Variants in PTCH1 observed in about 807,000 individuals in gnomAD.
PTCH1 encodes protein patched homolog 1.
Under a neutral mutation model 144.6 loss-of-function variants are expected in PTCH1, and 14 were observed. The ratio of observed to expected loss-of-function variants is 0.10; its 90% CI spans 0.06 to 0.15. The LOEUF (loss-of-function observed/expected upper bound fraction) is 0.15. Ranked by LOEUF, PTCH1 falls within the 10% of genes least tolerant of loss-of-function variation. The pLI is 1.00. For missense variants in PTCH1, 1,623 were observed against 1,948.3 expected (o/e 0.83, Z 3.14); for synonymous variants, 833 against 793.6 (o/e 1.05, Z -0.83).
At chr9:95,487,394 G>A (rs760415766) in intron 2 of PTCH1, among the ~76,000 whole-genome samples, 2 of 152,194 alleles carry the variant, frequency 1.3e-5, no homozygotes, top group Non-Finnish European at 2.9e-5. Context: ...TGAAGTTAAG[G>A]AAAAATCACA....
intron 19 of PTCH1, among the ~76,000 whole-genome samples, chr9:95,454,634 C>A (rs1485796461): frequency 6.6e-6 from 1 of 152,206 alleles, no homozygotes; most frequent in Non-Finnish European, 1.5e-5. Flanking sequence ...ATATTTGGGC[C>A]ATGAGGCCAT....
chr9:95,452,806 A>C (rs1188909381), intron 20 of PTCH1: 1 of 153,364 alleles, frequency 6.5e-6, no homozygotes, highest in Non-Finnish European at 1.5e-5. Flanking sequence ...GGTATTTTTA[A>C]GTTTTCCTTT....
At position 95,476,617 on chromosome 9, in the gene PTCH1, T is replaced by C. The variant is rs1414598286; in HGVS notation, c.1602+142A>G. Reference sequence around the variant, plus strand: ...CCTGAGAGTCTTCCAGCTTATTTCATTGACTGGCAGCCAGTGACACATCAT... The same window carrying C: ...CCTGAGAGTCTTCCAGCTTATTTCACTGACTGGCAGCCAGTGACACATCAT... On this transcript the variant is annotated intron_variant, in intron 11 of 23. Transcript: ENST00000331920. The surrounding 1 kb of genome is among the most constrained non-coding windows in gnomAD (Gnocchi z 4.6). 1 of 834,294 alleles carries C rather than the reference T, an allele frequency of 1.2e-6. No individual in the cohort carries two copies. The highest frequency in any genetic ancestry group is 1.5e-5 in the South Asian group (1 of 66,948). The allele number at this position is 834,294 out of a possible 1,614,324, so 51.7% of individuals were successfully genotyped here. A position where few individuals can be genotyped will look rare whatever the true frequency, so the allele number is the denominator to read the frequency against.
chr9:95,492,002 G>C lies in PTCH1; in HGVS notation c.395-6128C>G, dbSNP rs556853247. On this transcript the variant is annotated intron_variant, in intron 2 of 23. Coordinates refer to ENST00000331920, the MANE Select transcript of PTCH1 (RefSeq NM_000264.5). ...TCATGTCAATTCATAAAATCAAAGA[G>C]AGACGTCTTAAGACAGAAACTATTG... 3.3e-5 allele frequency among the ~76,000 whole-genome samples: 5 copies of C among 152,282 alleles called. No individual in the cohort carries two copies. The South Asian group carries it at 1.0e-3, about 32-fold the overall frequency.
Position 95,482,139 on chromosome 9 carries a change from C to A in PTCH1, c.649G>T (p.Asp217Tyr), listed in dbSNP as rs780378700. ...GELITETGYM[D>Y]QIIEYLYPCL... ...CCAACAAGAAGAAAATATACCTGAT[C>A]CATGTAACCTGTTTCTGTGATAAGC... Residue 217 changes from aspartate to tyrosine, a missense_variant, in exon 4 of 24, where the codon GAT becomes TAT. This residue lies in a region of PTCH1 where 39 missense variants were observed against 75.6 expected (regional missense o/e 0.52). Transcript: ENST00000331920. 6.2e-7 allele frequency: 1 copy of A among 1,614,058 alleles called. No homozygotes were observed. The highest frequency in any genetic ancestry group is 8.5e-7 in the Non-Finnish European group (1 of 1,179,928).
At chr9:95,506,254 C>A (rs986317730) in intron 2 of PTCH1, 153 bp downstream of exon 2, 6 of 914,704 alleles carry the variant, frequency 6.6e-6, no homozygotes, top group Non-Finnish European at 9.6e-6. Context: ...GCCTGGCTCC[C>A]GGCCAGGCGC....
chr9:95,506,839 C>T, intron 1 of PTCH1: 2 of 1,180,398 alleles, frequency 1.7e-6, no homozygotes, highest in Non-Finnish European at 2.1e-6. Flanking sequence ...CGCCCCCACC[C>T]GCGGGATCCC....
At chr9:95,479,940 G>T (rs1052077222) in intron 7 of PTCH1, 29 bp downstream of exon 7, 6 of 1,614,138 alleles carry the variant, frequency 3.7e-6, no homozygotes, top group Non-Finnish European at 5.1e-6. Context: ...AGACTACAGG[G>T]CATAGATTGT....
chr9:95,462,053 G>A (rs928222892), intron 15 of PTCH1, 55 bp from the exon 16 acceptor site: 1 of 1,609,460 alleles, frequency 6.2e-7, no homozygotes, highest in Non-Finnish European at 8.5e-7. Context: ...AAGGACCCTG[G>A]TCCTAGCGGG....
At position 95,508,585 on chromosome 9, in the gene PTCH1, C is replaced by T; in HGVS notation, c.-224G>A. On this transcript the variant is annotated 5_prime_UTR_variant, in exon 1 of 24. Transcript: ENST00000331920. ...GCGGCCGCGGCCGCTGCCGGGGAGT[C>T]AGACCCTGCGCCTTCCATTGCCACA... 4 of 998,854 alleles carry T rather than the reference C, an allele frequency of 4.0e-6. No individual in the cohort carries two copies. Among genetic ancestry groups the T allele is most frequent in the Non-Finnish European group, 4.8e-6 (4 of 839,322 alleles). 61.9% of individuals were successfully genotyped at this position (998,854 alleles called of 1,614,324 possible). A position where few individuals can be genotyped will look rare whatever the true frequency, so the allele number is the denominator to read the frequency against.
rs1414242958 is a variant in PTCH1 at position 95,467,110 on chromosome 9, T to C, written c.2560+6A>G. The C allele has an allele frequency of 1.9e-6, 3 of 1,614,128 alleles. No individual in the cohort carries two copies. Among genetic ancestry groups the C allele is most frequent in the Admixed American group, 1.7e-5 (1 of 60,012 alleles). ...GAAAGGACGAGAGCCTCCCACGCCG[T>C]CTTACCCTGAAGCCAGTCTCTGAAG... is the stretch of plus-strand genomic sequence containing the variant. On this transcript the variant is annotated splice_donor_region_variant and intron_variant, in intron 15 of 23. Transcript: ENST00000331920.
Position 95,508,201 on chromosome 9 carries a change from C to T in PTCH1, c.161G>A (p.Ser54Asn). ...CAGAGCGAAGGCGGCGTCGCAGTAG[C>T]TGGGCCGGTGCAGATAGTCCCGGTC... is the stretch of plus-strand genomic sequence containing the variant. ...APDRDYLHRPSYCDAAFALEQ... is the reference protein window; with the variant it reads ...APDRDYLHRPNYCDAAFALEQ... The change falls in exon 1 of 24, where the codon AGC (serine) becomes AAC (asparagine). Residue 54 changes from serine (S) to asparagine (N), a missense_variant. Transcript: ENST00000331920. 6.2e-7 allele frequency: 1 copy of T among 1,612,550 alleles called. No individual in the cohort carries two copies. Among genetic ancestry groups the T allele is most frequent in the South Asian group, 1.1e-5 (1 of 91,076 alleles).
intron 1 of PTCH1, chr9:95,507,312 C>G (rs1016202527): frequency 1.0e-6 from 1 of 985,274 alleles, no homozygotes; most frequent in Non-Finnish European, 1.2e-6. Flanking sequence ...AAAAAACAGC[C>G]GAGTGCAAAG....
intron 12 of PTCH1, chr9:95,474,013 T>C (rs997456416): frequency 4.3e-6 from 2 of 463,052 alleles, no homozygotes; most frequent in Non-Finnish European, 4.3e-6. Context: ...GGTGCTTACC[T>C]TGGGAGAATT....
At chr9:95,516,128 C>G (rs1385809295) in intron 1 of PTCH1, among the ~76,000 whole-genome samples, 4 of 151,888 alleles carry the variant, frequency 2.6e-5, no homozygotes, top group Non-Finnish European at 4.4e-5. Flanking sequence ...AAAATGGGAG[C>G]TCCGGCGACC....
intron 19 of PTCH1, among the ~76,000 whole-genome samples, chr9:95,454,558 A>G (rs1288626661): frequency 6.6e-6 from 1 of 152,270 alleles, no homozygotes; most frequent in African/African-American, 2.4e-5. Flanking sequence ...ATTAGGGTCA[A>G]TATAGCTGCC....
At chr9:95,514,647 T>TGTGTGTGTGTGTGTGAGAGA (rs56689083) in intron 1 of PTCH1, 47 of 148,924 alleles carry the variant, frequency 3.2e-4, no homozygotes, top group African/African-American at 1.0e-3. Flanking sequence ...TGTGTGTGTG[T>TGTGTGTGTGTGTGTGAGAGA]GAGAGAGAGA....
intron 12 of PTCH1, among the ~76,000 whole-genome samples, chr9:95,471,413 G>T (rs1840571095): frequency 6.6e-6 from 1 of 152,186 alleles, no homozygotes. Flanking sequence ...AAAATATGAA[G>T]CATGTTAGCT....
In PTCH1 at chr9:95,514,683, CAT is replaced by C. The variant is rs142377499; in HGVS notation, c.3+1784_3+1785del. ...GAGGAATGAGGATAAAAACGGGAGA[CAT>C]ATTTTAATCCACATTGATTAACCTC... On this transcript the variant is annotated intron_variant, in intron 1 of 22. Transcript: ENST00000430669. Among the ~76,000 whole-genome samples the C allele has an allele frequency of 8.8e-3, 1,336 of 151,534 alleles. 15 individuals carry two copies. Among genetic ancestry groups the C allele is most frequent in the African/African-American group, 0.03 (1,247 of 41,130 alleles).
Sources: allele counts gnomAD v4.1 joint callset (sites outside exome capture counted in the v4.1 genomes callset), GRCh38; gene constraint gnomAD v4.1.1; regional missense constraint gnomAD v4.1.1; non-coding constraint Gnocchi (gnomAD v3.1); transcripts MANE v1.5; gene names NCBI Gene and HGNC (gene_info 2026-07-23, HGNC 2026-07-21).